Variants in NCKAP5 observed in about 807,000 individuals in gnomAD.
NCKAP5 encodes the protein NCK associated protein 5, also known as nck-associated protein 5.
A neutral mutation model predicts 167.0 loss-of-function variants in NCKAP5; 92 were observed. That is an observed-to-expected ratio of 0.55 (90% CI 0.47 to 0.66). NCKAP5 has a LOEUF of 0.66. Ranked by LOEUF, NCKAP5 falls within the 30% of genes least tolerant of loss-of-function variation. NCKAP5 has a pLI of 0.00. For missense variants in NCKAP5, 2,378 were observed against 2,315.0 expected, an observed-to-expected ratio of 1.03 and a Z score of -0.56; for synonymous variants, 891 against 877.4, an observed-to-expected ratio of 1.02 and a Z score of -0.27.
chr2:133,416,595 C>G (rs1427903335), intron 3 of NCKAP5, among the ~76,000 whole-genome samples: 1 of 151,568 alleles, frequency 6.6e-6, no homozygotes, highest in Non-Finnish European at 1.5e-5. Flanking sequence ...TTAAACTAGA[C>G]TTTCAGAGAT....
intron 19 of NCKAP5, among the ~76,000 whole-genome samples, chr2:132,707,657 G>C (rs1456007245): frequency 6.6e-6 from 1 of 152,180 alleles, no homozygotes; most frequent in African/African-American, 2.4e-5. Flanking sequence ...ATGTAAGCGT[G>C]AGCAAAACCA....
intron 11 of NCKAP5, among the ~76,000 whole-genome samples, chr2:132,846,124 T>C (rs949533550): frequency 6.6e-6 from 1 of 152,172 alleles, no homozygotes; most frequent in Non-Finnish European, 1.5e-5. Flanking sequence ...GTTTTTCTAA[T>C]ATCAGCGTAC....
chr2:133,365,932 A>T (rs1030397521), intron 3 of NCKAP5, among the ~76,000 whole-genome samples: 1 of 152,232 alleles, frequency 6.6e-6, no homozygotes, highest in African/African-American at 2.4e-5. Context: ...GCACTAAAAT[A>T]TCCCTGTAAG....
intron 15 of NCKAP5, among the ~76,000 whole-genome samples, chr2:132,775,721 C>T (rs556512747): frequency 6.6e-6 from 1 of 152,296 alleles, no homozygotes; most frequent in South Asian, 2.1e-4. Context: ...GACCCAAAGG[C>T]CCCCAAACAC....
At chr2:132,920,378 A>G (rs1695221288) in intron 8 of NCKAP5, among the ~76,000 whole-genome samples, 1 of 151,832 alleles carries the variant, frequency 6.6e-6, no homozygotes. Context: ...AATGTTCACA[A>G]TTATTCTCCA....
At chr2:133,351,900 C>G (rs1383464681) in intron 3 of NCKAP5, among the ~76,000 whole-genome samples, 1 of 152,230 alleles carries the variant, frequency 6.6e-6, no homozygotes, top group African/African-American at 2.4e-5. Flanking sequence ...GGCCTCTCTT[C>G]TCTAGCCTTT....
chr2:132,729,113 CAAAACATCTGCTT>C (rs933184708), intron 17 of NCKAP5, among the ~76,000 whole-genome samples, 161 bp from the exon 18 acceptor site: 2 of 152,148 alleles, frequency 1.3e-5, no homozygotes, highest in African/African-American at 4.8e-5. Flanking sequence ...CTGTGCTGCC[CAAAACATCTGCTT>C]AATTATGTAT....
At chr2:133,437,282 G>T (rs187191306) in intron 3 of NCKAP5, among the ~76,000 whole-genome samples, 55 of 152,094 alleles carry the variant, frequency 3.6e-4, no homozygotes, top group African/African-American at 1.3e-3. Context: ...GAACCCGAGA[G>T]GCAGAGGTTG....
intron 4 of NCKAP5, among the ~76,000 whole-genome samples, chr2:133,214,212 T>C (rs1343228287): frequency 6.6e-6 from 1 of 152,176 alleles, no homozygotes; most frequent in Non-Finnish European, 1.5e-5. Flanking sequence ...AAAATAACAA[T>C]AGAAAATCAT....
the NCKAP5 span, among the ~76,000 whole-genome samples, chr2:133,624,120 G>A: frequency 2.0e-5 from 3 of 151,922 alleles, no homozygotes; most frequent in African/African-American, 7.3e-5. Flanking sequence ...TCGGATTTTG[G>A]GGACTTGGGG....
At chr2:133,555,284 G>A (rs1368090) in intron 2 of NCKAP5, among the ~76,000 whole-genome samples, 46,503 of 151,912 alleles carry the variant, frequency 0.31, 9,431 homozygotes, top group East Asian at 0.58. Context: ...AATGGCTCTC[G>A]TCTACTCACA....
At chr2:133,289,870 C>T (rs144678494) in intron 4 of NCKAP5, among the ~76,000 whole-genome samples, 28 of 152,222 alleles carry the variant, frequency 1.8e-4, no homozygotes, top group African/African-American at 4.8e-4. Context: ...CCAAAGCAGG[C>T]ACATCTTACA....
intron 3 of NCKAP5, among the ~76,000 whole-genome samples, chr2:133,473,022 A>G (rs759969397): frequency 2.6e-5 from 4 of 152,138 alleles, no homozygotes; most frequent in Admixed American, 6.5e-5. Flanking sequence ...TTGATCTTAA[A>G]CAAAGCTCCC....
At chr2:133,423,339 C>T (rs1343657581) in intron 3 of NCKAP5, among the ~76,000 whole-genome samples, 4 of 152,178 alleles carry the variant, frequency 2.6e-5, no homozygotes, top group African/African-American at 9.7e-5. Flanking sequence ...ACCTCTCCTT[C>T]ACATCCTGGA....
intron 7 of NCKAP5, among the ~76,000 whole-genome samples, chr2:132,982,655 CCCCCTCCCT>C (rs1268989663): frequency 3.9e-5 from 6 of 152,178 alleles, no homozygotes; most frequent in Admixed American, 3.3e-4. Context: ...TCAACCCTTG[CCCCCTCCCT>C]CCCTTTCCCC....
At chr2:133,078,878 G>A (rs1215223077) in intron 6 of NCKAP5, among the ~76,000 whole-genome samples, 3 of 152,074 alleles carry the variant, frequency 2.0e-5, no homozygotes, top group Non-Finnish European at 4.4e-5. Flanking sequence ...AATACCCAGT[G>A]CTCATGGAAA....
chr2:133,044,711 C>T (rs2079332159), intron 6 of NCKAP5, among the ~76,000 whole-genome samples: 1 of 152,122 alleles, frequency 6.6e-6, no homozygotes, highest in South Asian at 2.1e-4. Flanking sequence ...CCAGCAATTT[C>T]ACTCCTACTT....
At chr2:133,624,066 G>A in the NCKAP5 span, among the ~76,000 whole-genome samples, 3 of 152,180 alleles carry the variant, frequency 2.0e-5, no homozygotes, top group African/African-American at 7.2e-5. Flanking sequence ...TCACTCATGC[G>A]TGGGAACTAA....
chr2:132,773,643 C>T (rs550141452), intron 16 of NCKAP5, among the ~76,000 whole-genome samples, 173 bp downstream of exon 16: 93 of 152,178 alleles, frequency 6.1e-4, no homozygotes, highest in African/African-American at 2.2e-3. Flanking sequence ...CTGCTTTGAC[C>T]CACTTATTTT....
Sources: gnomAD v4.1 joint callset for allele counts (sites outside exome capture counted in the v4.1 genomes callset) on GRCh38, gnomAD v4.1.1 for gene constraint, MANE v1.5 for transcripts, NCBI Gene and HGNC (gene_info 2026-07-23, HGNC 2026-07-21) for gene names.